The following LYPD6 variants were observed in gnomAD, a reference collection of about 807,000 sequenced individuals.
LYPD6 encodes ly6/PLAUR domain-containing protein 6.
In LYPD6, 15 loss-of-function variants were observed where a neutral mutation model predicts 22.7. The observed-to-expected ratio is 0.66, with a 90% CI of 0.44 to 1.02. LYPD6 has a LOEUF of 1.02. Ranked by LOEUF, LYPD6 falls within the 50% of genes least tolerant of loss-of-function variation. The pLI is 0.00. For synonymous variants in LYPD6, 72 were observed against 77.5 expected (o/e 0.93, Z 0.37); for missense variants, 189 against 208.4 (o/e 0.91, Z 0.57).
At chr2:149,475,446 A>G (rs983921084), downstream of LYPD6, among the ~76,000 whole-genome samples, 1 of 152,170 alleles carries the variant, frequency 6.6e-6, no homozygotes, top group Non-Finnish European at 1.5e-5. Flanking sequence ...TTAAAAAAAT[A>G]TAAACATTTC....
intron 1 of LYPD6, among the ~76,000 whole-genome samples, chr2:149,428,776 A>G (rs1309958027): frequency 6.6e-6 from 1 of 152,164 alleles, no homozygotes; most frequent in African/African-American, 2.4e-5. Context: ...GCCCCCTAGA[A>G]CTTTGGTTTT....
chr2:149,430,486 G>C (rs1683289145), intron 1 of LYPD6, among the ~76,000 whole-genome samples: 1 of 152,174 alleles, frequency 6.6e-6, no homozygotes, highest in Non-Finnish European at 1.5e-5. Flanking sequence ...TATATTTAAA[G>C]AGACTTAGCT....
At chr2:149,388,656 G>A (rs1481002773) in intron 1 of LYPD6, among the ~76,000 whole-genome samples, 1 of 152,144 alleles carries the variant, frequency 6.6e-6, no homozygotes, top group Non-Finnish European at 1.5e-5. Context: ...TGTGGTGGGA[G>A]GGAGAGTCGT....
chr2:149,399,671 C>T (rs1391396594), intron 1 of LYPD6, among the ~76,000 whole-genome samples: 2 of 148,308 alleles, frequency 1.3e-5, no homozygotes, highest in African/African-American at 4.9e-5. Context: ...GGAAAAAAAC[C>T]AAATAAAATA....
intron 3 of LYPD6, among the ~76,000 whole-genome samples, chr2:149,452,394 C>A (rs542772935): frequency 6.6e-6 from 1 of 152,252 alleles, no homozygotes; most frequent in East Asian, 1.9e-4. Context: ...GAAAATAATG[C>A]CATTTTATTA....
chr2:149,474,160 T>G (rs190892687), downstream of LYPD6: 285 of 152,214 alleles, frequency 1.9e-3, 2 homozygotes, highest in African/African-American at 6.6e-3. Context: ...GTCAGTTTGT[T>G]TGTGATTCCT....
intron 1 of LYPD6, among the ~76,000 whole-genome samples, chr2:149,349,954 A>G (rs981374115): frequency 6.8e-6 from 1 of 147,940 alleles, no homozygotes; most frequent in Non-Finnish European, 1.5e-5. Flanking sequence ...TGAAAAAAAA[A>G]TATATATGCT....
At chr2:149,467,388 A>G (rs1402331896) in intron 3 of LYPD6, among the ~76,000 whole-genome samples, 1 of 152,126 alleles carries the variant, frequency 6.6e-6, no homozygotes, top group African/African-American at 2.4e-5. Flanking sequence ...TTAATTGGAG[A>G]CCATTTGGGA....
intron 1 of LYPD6, among the ~76,000 whole-genome samples, chr2:149,396,560 T>G (rs1417138441): frequency 6.6e-6 from 1 of 152,172 alleles, no homozygotes; most frequent in Non-Finnish European, 1.5e-5. Context: ...CTCACCACTC[T>G]TTTCTCCTTT....
At chr2:149,354,634 T>C (rs534383094) in intron 1 of LYPD6, among the ~76,000 whole-genome samples, 2 of 152,340 alleles carry the variant, frequency 1.3e-5, no homozygotes, top group African/African-American at 2.4e-5. Flanking sequence ...TATTAAGGAA[T>C]GCACCTGTGT....
chr2:149,449,402 C>T (rs989771327), intron 3 of LYPD6, among the ~76,000 whole-genome samples: 6 of 152,268 alleles, frequency 3.9e-5, no homozygotes, highest in African/African-American at 9.6e-5. Context: ...CCTGTACCCC[C>T]GGGCCCAGTC....
At chr2:149,386,187 A>G (rs1221171664) in intron 1 of LYPD6, among the ~76,000 whole-genome samples, 1 of 152,214 alleles carries the variant, frequency 6.6e-6, no homozygotes, top group East Asian at 1.9e-4. Flanking sequence ...ATTATAAGGA[A>G]AGGAGAATCT....
At chr2:149,468,186 C>CACA (rs1485200441) in intron 3 of LYPD6, among the ~76,000 whole-genome samples, 2 of 148,628 alleles carry the variant, frequency 1.3e-5, no homozygotes, top group African/African-American at 5.0e-5. Context: ...CACACACACA[C>CACA]ACCAGCCACT....
intron 3 of LYPD6, among the ~76,000 whole-genome samples, chr2:149,463,564 C>A (rs1489460514): frequency 2.0e-5 from 3 of 152,158 alleles, no homozygotes; most frequent in Non-Finnish European, 4.4e-5. Context: ...GTTATATTCA[C>A]ACAGCAACCT....
At chr2:149,361,977 A>T (rs1217030605) in intron 1 of LYPD6, among the ~76,000 whole-genome samples, 1 of 152,190 alleles carries the variant, frequency 6.6e-6, no homozygotes, top group Non-Finnish European at 1.5e-5. Context: ...TGTGCTTTGA[A>T]GGTAAAGGAA....
intron 3 of LYPD6, among the ~76,000 whole-genome samples, chr2:149,467,404 G>A (rs892320964): frequency 6.6e-6 from 1 of 152,200 alleles, no homozygotes; most frequent in Non-Finnish European, 1.5e-5. Context: ...TGGGATTCCT[G>A]TCAGGTGAGG....
chr2:149,351,263 G>A (rs1486203364), intron 1 of LYPD6, among the ~76,000 whole-genome samples: 1 of 151,842 alleles, frequency 6.6e-6, no homozygotes, highest in Non-Finnish European at 1.5e-5. Context: ...GTGTGGTGGT[G>A]CACACCTGCA....
intron 3 of LYPD6, among the ~76,000 whole-genome samples, chr2:149,454,573 G>A (rs754248658): frequency 3.3e-5 from 5 of 151,996 alleles, no homozygotes; most frequent in Non-Finnish European, 7.4e-5. Flanking sequence ...CTTGTGGTAC[G>A]TGTTCATATG....
intron 3 of LYPD6, among the ~76,000 whole-genome samples, chr2:149,462,936 G>A (rs1157817375): frequency 6.6e-6 from 1 of 151,966 alleles, no homozygotes; most frequent in African/African-American, 2.4e-5. Context: ...AAAACATACA[G>A]CATTTAGGAA....
Sources: gnomAD v4.1 joint callset for allele counts (sites outside exome capture counted in the v4.1 genomes callset) on GRCh38, gnomAD v4.1.1 for gene constraint, MANE v1.5 for transcripts, NCBI Gene and HGNC (gene_info 2026-07-23, HGNC 2026-07-21) for gene names.